Variants in LRRC28 observed in about 807,000 individuals in gnomAD.
LRRC28 encodes the protein leucine rich repeat containing 28, also known as leucine-rich repeat-containing protein 28.
LRRC28 carries 39 observed loss-of-function variants against 45.7 expected under a neutral mutation model. That is an observed-to-expected ratio of 0.85 (90% CI 0.66 to 1.12). LRRC28 has a LOEUF of 1.12. Among genes scored for constraint, LRRC28 ranks in the 50% most tolerant of loss-of-function variants. The pLI is 0.00. For synonymous variants in LRRC28, 206 were observed against 178.8 expected, an observed-to-expected ratio of 1.15 and a Z score of -1.22; for missense variants, 435 against 438.5, an observed-to-expected ratio of 0.99 and a Z score of 0.07.
At chr15:99,281,869 G>A (rs2081802600) in intron 3 of LRRC28, among the ~76,000 whole-genome samples, 1 of 151,406 alleles carries the variant, frequency 6.6e-6, no homozygotes, top group Admixed American at 6.6e-5. Flanking sequence ...TACTTGCTCA[G>A]AACTTGAATG....
intron 3 of LRRC28, among the ~76,000 whole-genome samples, chr15:99,283,715 T>TA (rs1331984363): frequency 6.6e-6 from 1 of 151,540 alleles, no homozygotes; most frequent in East Asian, 1.9e-4. Flanking sequence ...ATTTAACATT[T>TA]AAAAAAAACT....
intron 1 of LRRC28, among the ~76,000 whole-genome samples, chr15:99,255,077 C>T (rs550731576): frequency 1.5e-4 from 23 of 152,128 alleles, no homozygotes; most frequent in Admixed American, 1.1e-3. Flanking sequence ...AACAAAGAGG[C>T]GAGGCATCGT....
chr15:99,293,814 C>G (rs796376823), intron 5 of LRRC28, among the ~76,000 whole-genome samples: 21 of 152,122 alleles, frequency 1.4e-4, no homozygotes, highest in African/African-American at 5.1e-4. Flanking sequence ...TAGTTTCCAT[C>G]TGTCATTTCT....
chr15:99,256,094 T>G lies in LRRC28; in HGVS notation c.137T>G (p.Leu46Arg). The change falls in exon 2 of 10, where the codon CTC becomes CGC. Residue 46 changes from leucine (L) to arginine (R), a missense_variant. Transcript: ENST00000301981. ...GAGGGACTGCAGTACTTGGAGAGAC[T>G]CTATATGAAAAGGAACTCCCTGACA... ...KDEGLQYLER[L>R]YMKRNSLTSL... 2 of 1,611,752 alleles carry G rather than the reference T, an allele frequency of 1.2e-6. No homozygotes were observed. The highest frequency in any genetic ancestry group is 2.2e-5 in the East Asian group (1 of 44,856).
At chr15:99,382,857 T>C (rs1957870942) in intron 9 of LRRC28, among the ~76,000 whole-genome samples, 1 of 152,096 alleles carries the variant, frequency 6.6e-6, no homozygotes, top group Non-Finnish European at 1.5e-5. Context: ...TATACTAATT[T>C]TCTATCTAGT....
chr15:99,321,068 C>T (rs538431501), intron 5 of LRRC28, among the ~76,000 whole-genome samples: 1 of 152,284 alleles, frequency 6.6e-6, no homozygotes, highest in South Asian at 2.1e-4. Flanking sequence ...TTCCTTTAGA[C>T]TTGCCTTCAG....
intron 5 of LRRC28, among the ~76,000 whole-genome samples, chr15:99,294,067 C>T (rs1239148634): frequency 6.6e-6 from 1 of 152,126 alleles, no homozygotes; most frequent in Non-Finnish European, 1.5e-5. Flanking sequence ...ATCATTGTTA[C>T]CCTGTATCCT....
At chr15:99,295,102 T>C (rs923779100) in intron 5 of LRRC28, among the ~76,000 whole-genome samples, 2 of 152,226 alleles carry the variant, frequency 1.3e-5, no homozygotes, top group Non-Finnish European at 2.9e-5. Context: ...CATTGTGTTT[T>C]GGCGGGAGGC....
chr15:99,386,091 C>A lies in LRRC28; in HGVS notation c.1093C>A (p.Leu365Met). Residue 365 changes from leucine (L) to methionine (M), a missense_variant, in exon 10 of 10, where the codon CTG becomes ATG. Transcript: ENST00000301981. Reference sequence around the variant, plus strand: ...CACCCAGTGTCTGCAGACTTTTGACCTGCTGAGTTGATAAACACTCAAGAA... The same window carrying A: ...CACCCAGTGTCTGCAGACTTTTGACATGCTGAGTTGATAAACACTCAAGAA... ...CSTQCLQTFD[L>M]LS The A allele has an allele frequency of 6.2e-7, 1 of 1,613,970 alleles. No individual in the cohort carries two copies. Among genetic ancestry groups the A allele is most frequent in the African/African-American group, 1.3e-5 (1 of 75,006 alleles).
intron 9 of LRRC28, among the ~76,000 whole-genome samples, chr15:99,364,981 A>G (rs2152328899): frequency 6.6e-6 from 1 of 152,334 alleles, no homozygotes; most frequent in South Asian, 2.1e-4. Context: ...GTTATTATGC[A>G]GTTTCCTATA....
chr15:99,316,802 G>C (rs1033549785), intron 5 of LRRC28, among the ~76,000 whole-genome samples: 1 of 151,988 alleles, frequency 6.6e-6, no homozygotes, highest in Non-Finnish European at 1.5e-5. Flanking sequence ...AAGGACCCTG[G>C]CGGATACAAG....
intron 9 of LRRC28, among the ~76,000 whole-genome samples, chr15:99,372,072 C>A (rs145279373): frequency 6.6e-6 from 1 of 152,246 alleles, no homozygotes; most frequent in African/African-American, 2.4e-5. Context: ...TGTACACAAG[C>A]TCAGGATTTT....
At chr15:99,264,160 C>T (rs2081273911) in intron 2 of LRRC28, among the ~76,000 whole-genome samples, 1 of 152,140 alleles carries the variant, frequency 6.6e-6, no homozygotes, top group Non-Finnish European at 1.5e-5. Context: ...TGTGTCTTTC[C>T]CCCATTAGCT....
chr15:99,256,594 A>G (rs2081028684), intron 2 of LRRC28, among the ~76,000 whole-genome samples: 1 of 152,242 alleles, frequency 6.6e-6, no homozygotes, highest in Non-Finnish European at 1.5e-5. Context: ...GGGAAGCTTA[A>G]TGTAACTTTT....
At chr15:99,311,193 T>G (rs1286645016) in intron 5 of LRRC28, among the ~76,000 whole-genome samples, 1 of 152,190 alleles carries the variant, frequency 6.6e-6, no homozygotes, top group African/African-American at 2.4e-5. Context: ...AAACTATGTG[T>G]TGTGTACTTG....
At chr15:99,372,912 G>A (rs1337787094) in intron 9 of LRRC28, among the ~76,000 whole-genome samples, 1 of 152,072 alleles carries the variant, frequency 6.6e-6, no homozygotes, top group African/African-American at 2.4e-5. Flanking sequence ...TCCTTCACAT[G>A]GCAGCAGGAG....
intron 5 of LRRC28, among the ~76,000 whole-genome samples, chr15:99,317,122 T>C (rs1955626537): frequency 6.6e-6 from 1 of 152,008 alleles, no homozygotes; most frequent in African/African-American, 2.4e-5. Context: ...AGTATTAGAC[T>C]AGGATTTAGC....
At chr15:99,300,071 T>A (rs1008340221) in intron 5 of LRRC28, among the ~76,000 whole-genome samples, 1 of 152,192 alleles carries the variant, frequency 6.6e-6, no homozygotes, top group Non-Finnish European at 1.5e-5. Flanking sequence ...AGTTTGGCAT[T>A]CTTCACTTTA....
chr15:99,263,820 A>C (rs181254717), intron 2 of LRRC28, among the ~76,000 whole-genome samples: 1 of 152,062 alleles, frequency 6.6e-6, no homozygotes, highest in Non-Finnish European at 1.5e-5. Flanking sequence ...TGTACCCATC[A>C]CTCTTCAAGA....
Sources: allele counts gnomAD v4.1 joint callset (sites outside exome capture counted in the v4.1 genomes callset), GRCh38; gene constraint gnomAD v4.1.1; transcripts MANE v1.5; gene names NCBI Gene and HGNC (gene_info 2026-07-23, HGNC 2026-07-21).